DMD: variants seen among roughly 807,000 people sequenced by gnomAD.
The protein encoded by DMD is dystrophin.
DMD carries 63 observed loss-of-function variants against 330.1 expected under a neutral mutation model. The observed-to-expected ratio is 0.19, with a 90% CI of 0.16 to 0.24. The LOEUF is 0.24. Ranked by LOEUF, DMD falls within the 10% of genes least tolerant of loss-of-function variation. The pLI is 1.00. For missense variants in DMD, 3,344 were observed against 2,684.1 expected, an observed-to-expected ratio of 1.25 and a Z score of -5.43; for synonymous variants, 1,223 against 959.8, an observed-to-expected ratio of 1.27 and a Z score of -5.07.
At chrX:32,569,213 A>T (rs937978601) in intron 15 of DMD, among the ~76,000 whole-genome samples, 1 of 112,143 alleles carries the variant, frequency 8.9e-6, no homozygotes, top group African/African-American at 3.2e-5. Flanking sequence ...AGATGATTTG[A>T]AGTGAAAAGA....
rs772004619 is a variant in DMD at position 32,452,297 on chromosome X, A to G, written c.3603+2365T>C. On this transcript the variant is annotated intron_variant, in intron 26 of 78. Coordinates refer to ENST00000357033, the MANE Select transcript of DMD (RefSeq NM_004006.3). ...ACAATGGAAAAGAAAGGAAAGGAAA[A>G]GGAAAGGGAAAGTGAAAGTGAAAGT... 5.1e-4 allele frequency among the ~76,000 whole-genome samples: 10 copies of G among 19,719 alleles called. 1 individual carries two copies. The highest frequency in any genetic ancestry group is 6.4e-4 in the Non-Finnish European group (6 of 9,338). The allele number at this position is 19,719 out of a possible 115,157, so 17.1% of individuals were successfully genotyped here.
At chrX:31,314,841 A>T (rs909221570) in intron 62 of DMD, among the ~76,000 whole-genome samples, 4 of 106,158 alleles carry the variant, frequency 3.8e-5, no homozygotes, top group Non-Finnish European at 7.8e-5. Context: ...CCTACCCCCT[A>T]CTCCCCCACC....
At chrX:33,133,682 C>T (rs903846978) in intron 1 of DMD, among the ~76,000 whole-genome samples, 1 of 111,739 alleles carries the variant, frequency 8.9e-6, no homozygotes, top group Non-Finnish European at 1.9e-5. Flanking sequence ...GGCTTCTCTC[C>T]TAGGGAGGAA....
intron 1 of DMD, among the ~76,000 whole-genome samples, chrX:33,208,063 G>T (rs5971696): frequency 0.03 from 3,375 of 110,892 alleles, 53 homozygotes; most frequent in Middle Eastern, 0.084. Flanking sequence ...AATAAACCAA[G>T]GTCATCATTA....
At chrX:32,630,098 C>T (rs1435455665) in intron 11 of DMD, among the ~76,000 whole-genome samples, 2 of 111,826 alleles carry the variant, frequency 1.8e-5, no homozygotes, top group South Asian at 7.4e-4. Flanking sequence ...ACGCCCTTTA[C>T]CATTTCTTGT....
At chrX:32,573,209 A>AT (rs779829803) in intron 15 of DMD, among the ~76,000 whole-genome samples, 2 of 111,846 alleles carry the variant, frequency 1.8e-5, no homozygotes, top group African/African-American at 3.2e-5. Flanking sequence ...ACGTCAGTCT[A>AT]TTTTTTTAGA....
intron 48 of DMD, among the ~76,000 whole-genome samples, chrX:31,844,851 T>A (rs1360193501): frequency 9.0e-6 from 1 of 110,901 alleles, no homozygotes; most frequent in East Asian, 2.8e-4. Context: ...TATTTTTAAA[T>A]TAAGGCATGT....
intron 1 of DMD, among the ~76,000 whole-genome samples, chrX:33,107,309 T>TTCCC (rs2095297756): frequency 4.5e-5 from 1 of 22,206 alleles, no homozygotes; most frequent in Admixed American, 9.2e-4. Context: ...CGAAGCTCTG[T>TTCCC]CCCCCCCCCC....
At chrX:33,338,904 C>T (rs781053196) in intron 1 of DMD, among the ~76,000 whole-genome samples, 1 of 111,580 alleles carries the variant, frequency 9.0e-6, no homozygotes, top group East Asian at 2.8e-4. Context: ...GTTCTTGCAA[C>T]TAAATTGCAT....
At chrX:31,996,887 A>C (rs1161031938) in intron 44 of DMD, among the ~76,000 whole-genome samples, 2 of 111,676 alleles carry the variant, frequency 1.8e-5, no homozygotes, top group African/African-American at 6.5e-5. Flanking sequence ...CACCAACCTA[A>C]CTACACCAAT....
chrX:32,990,369 G>A (rs752073369), intron 2 of DMD, among the ~76,000 whole-genome samples: 108 of 111,761 alleles, frequency 9.7e-4, no homozygotes, highest in Admixed American at 1.9e-3. Flanking sequence ...AGAAGACACC[G>A]TTATCAACTG....
At chrX:31,215,098 C>A (rs771665662) in intron 64 of DMD, among the ~76,000 whole-genome samples, 1 of 107,324 alleles carries the variant, frequency 9.3e-6, no homozygotes, top group South Asian at 4.4e-4. Flanking sequence ...CTCGCCATCA[C>A]GCCTGGCTAA....
intron 43 of DMD, among the ~76,000 whole-genome samples, chrX:32,262,929 C>T (rs1380261054): frequency 9.0e-6 from 1 of 111,674 alleles, no homozygotes; most frequent in Non-Finnish European, 1.9e-5. Context: ...CATTTCACTG[C>T]ATCATCATTC....
At chrX:32,515,382 T>G (rs949883241) in intron 18 of DMD, among the ~76,000 whole-genome samples, 1 of 109,405 alleles carries the variant, frequency 9.1e-6, no homozygotes, top group African/African-American at 3.3e-5. Flanking sequence ...CCAGCGGGAG[T>G]TGGTAAAAAG....
chrX:32,816,591 C>A lies in DMD; in HGVS notation c.407G>T (p.Ser136Ile). The A allele has an allele frequency of 8.3e-7, 1 of 1,211,592 alleles. No homozygotes were observed. Among genetic ancestry groups the A allele is most frequent in the Non-Finnish European group, 1.1e-6 (1 of 895,338 alleles). ...GACCCAGCTCAGGAGAATCTTTTCACTGTTGGTTTGTTGCAATCCAGCCAT... is the reference window on the plus strand; with the variant it reads ...GACCCAGCTCAGGAGAATCTTTTCAATGTTGGTTTGTTGCAATCCAGCCAT... ...NIMAGLQQTN[S>I]EKILLSWVRQ... Residue 136 changes from serine to isoleucine, a missense_variant, in exon 6 of 79, where the codon AGT (serine) becomes ATT (isoleucine). Transcript: ENST00000357033.
At chrX:31,969,897 T>G (rs769748586) in intron 44 of DMD, among the ~76,000 whole-genome samples, 1 of 111,376 alleles carries the variant, frequency 9.0e-6, no homozygotes, top group African/African-American at 3.3e-5. Flanking sequence ...AGTAAACATG[T>G]GATATTTCCT....
At chrX:32,998,478 T>G (rs1383162880) in intron 2 of DMD, among the ~76,000 whole-genome samples, 1 of 110,251 alleles carries the variant, frequency 9.1e-6, no homozygotes, top group Non-Finnish European at 1.9e-5. Context: ...ATTGTTTACC[T>G]GATGAACAAC....
intron 1 of DMD, among the ~76,000 whole-genome samples, chrX:33,069,078 T>C: frequency 8.9e-6 from 1 of 112,156 alleles, no homozygotes; most frequent in Non-Finnish European, 1.9e-5. Flanking sequence ...TTTATAGGTG[T>C]TTACAAAGTA....
At chrX:32,224,588 A>C (rs1446627503) in intron 43 of DMD, among the ~76,000 whole-genome samples, 1 of 111,795 alleles carries the variant, frequency 8.9e-6, no homozygotes, top group Non-Finnish European at 1.9e-5. Context: ...ATAATTTTAA[A>C]TATTTATAGA....
Sources: allele counts gnomAD v4.1 joint callset (sites outside exome capture counted in the v4.1 genomes callset), GRCh38; gene constraint gnomAD v4.1.1; transcripts MANE v1.5; gene names NCBI Gene and HGNC (gene_info 2026-07-23, HGNC 2026-07-21).